ADARB2: variants seen among roughly 807,000 people sequenced by gnomAD.
ADARB2 encodes adenosine deaminase RNA specific B2 (inactive).
Under a neutral mutation model 62.2 loss-of-function variants are expected in ADARB2, and 25 were observed. The observed-to-expected ratio is 0.40, with a 90% CI of 0.29 to 0.56. The LOEUF (loss-of-function observed/expected upper bound fraction) is 0.56, where lower values mean the gene tolerates loss of function less well. Ranked by LOEUF, ADARB2 falls within the 20% of genes least tolerant of loss-of-function variation. The pLI is 0.43. For missense variants in ADARB2, 1,071 were observed against 1,077.4 expected, an observed-to-expected ratio of 0.99 and a Z score of 0.08; for synonymous variants, 572 against 500.8, an observed-to-expected ratio of 1.14 and a Z score of -1.90.
At chr10:1,456,825 C>CG (rs1326647710) in intron 1 of ADARB2, among the ~76,000 whole-genome samples, 2 of 152,268 alleles carry the variant, frequency 1.3e-5, no homozygotes, top group East Asian at 3.9e-4. Flanking sequence ...GACAGAGTCT[C>CG]GCACTGTTGC....
At chr10:1,606,345 G>T (rs1275367816) in intron 1 of ADARB2, among the ~76,000 whole-genome samples, 1 of 144,416 alleles carries the variant, frequency 6.9e-6, no homozygotes, top group Non-Finnish European at 1.5e-5. Context: ...GGCTGTGCCT[G>T]GCAAGCTCCC....
chr10:1,717,289 T>A (rs1324057302), intron 1 of ADARB2, among the ~76,000 whole-genome samples: 1 of 150,760 alleles, frequency 6.6e-6, no homozygotes, highest in Non-Finnish European at 1.5e-5. Flanking sequence ...GTGTATTTGG[T>A]TGCACAGGGA....
intron 1 of ADARB2, among the ~76,000 whole-genome samples, chr10:1,728,810 T>C (rs1588369070): frequency 6.6e-6 from 1 of 152,234 alleles, no homozygotes; most frequent in East Asian, 1.9e-4. Flanking sequence ...GATGTTGGAA[T>C]AATGCTTTGC....
chr10:1,288,634 CAGATG>C (rs748189308), intron 3 of ADARB2, among the ~76,000 whole-genome samples: 111 of 152,208 alleles, frequency 7.3e-4, no homozygotes, highest in Non-Finnish European at 1.4e-3. Flanking sequence ...CTCCCACCCT[CAGATG>C]AGATGAGCCT....
In ADARB2 at chr10:1,363,544, C is replaced by A; in HGVS notation, c.561G>T (p.Arg187Ser). The change falls in exon 3 of 10, where the codon AGG (arginine) becomes AGT (serine). Residue 187 changes from arginine to serine, a missense_variant. Transcript: ENST00000381312. Reference protein sequence around the residue: ...AKMRAAELALRSFVQFPNACQ... With the variant: ...AKMRAAELALSSFVQFPNACQ... ...AGGCGTTGGGGAACTGCACGAAGGA[C>A]CTGAGTGCCAGCTCCGCCGCGCGCA... 2 of 1,563,660 alleles carry A rather than the reference C, an allele frequency of 1.3e-6. No individual in the cohort carries two copies. The highest frequency in any genetic ancestry group is 1.7e-6 in the Non-Finnish European group (2 of 1,156,812).
intron 8 of ADARB2, among the ~76,000 whole-genome samples, chr10:1,191,116 G>T (rs1003235819): frequency 6.6e-6 from 1 of 152,102 alleles, no homozygotes; most frequent in Non-Finnish European, 1.5e-5. Flanking sequence ...CAGAATGGGG[G>T]TTTGCACACT....
chr10:1,315,620 C>T (rs1241789555), intron 3 of ADARB2, among the ~76,000 whole-genome samples: 1 of 152,258 alleles, frequency 6.6e-6, no homozygotes, highest in African/African-American at 2.4e-5. Flanking sequence ...TGGTTGCTCC[C>T]ACAATGGGCC....
At chr10:1,200,491 A>G (rs961863721) in intron 7 of ADARB2, 3 of 462,246 alleles carry the variant, frequency 6.5e-6, no homozygotes, top group Non-Finnish European at 7.6e-6. Flanking sequence ...ATTTTTCTTT[A>G]TATTAGCTGG....
chr10:1,204,428 G>A (rs984633571), intron 7 of ADARB2, among the ~76,000 whole-genome samples: 4 of 152,238 alleles, frequency 2.6e-5, no homozygotes, highest in South Asian at 4.1e-4. Flanking sequence ...ACCTGAGTGC[G>A]TCTTAACAGG....
At chr10:1,570,444 AC>A (rs1832919609) in intron 1 of ADARB2, among the ~76,000 whole-genome samples, 1 of 75,554 alleles carries the variant, frequency 1.3e-5, no homozygotes, top group Admixed American at 1.6e-4. Context: ...GGGAAGCAGG[AC>A]GGGCAGGCAC....
intron 1 of ADARB2, among the ~76,000 whole-genome samples, chr10:1,500,446 G>A (rs577127841): frequency 2.0e-5 from 3 of 152,160 alleles, no homozygotes; most frequent in Non-Finnish European, 2.9e-5. Context: ...TGCCAAAAAG[G>A]CCGCATGACA....
At chr10:1,705,085 G>T (rs1834872285) in intron 1 of ADARB2, among the ~76,000 whole-genome samples, 1 of 152,156 alleles carries the variant, frequency 6.6e-6, no homozygotes, top group Non-Finnish European at 1.5e-5. Flanking sequence ...AGAAACAAAT[G>T]TAGGTTGATT....
At chr10:1,342,502 T>C (rs1832039782) in intron 3 of ADARB2, among the ~76,000 whole-genome samples, 1 of 152,186 alleles carries the variant, frequency 6.6e-6, no homozygotes, top group African/African-American at 2.4e-5. Context: ...AGGAGGAGCT[T>C]TGGGAAGCCA....
At chr10:1,296,519 G>A (rs1377335853) in intron 3 of ADARB2, among the ~76,000 whole-genome samples, 1 of 152,320 alleles carries the variant, frequency 6.6e-6, no homozygotes, top group East Asian at 1.9e-4. Context: ...GAGAATTGAG[G>A]GACAGGCCTG....
chr10:1,459,076 T>C (rs72764909), intron 1 of ADARB2, among the ~76,000 whole-genome samples: 39,942 of 152,048 alleles, frequency 0.26, 5,540 homozygotes, highest in East Asian at 0.49. Flanking sequence ...AAAAGGAACA[T>C]TTAAACACTG....
intron 1 of ADARB2, among the ~76,000 whole-genome samples, chr10:1,595,303 G>T (rs1564341936): frequency 6.6e-6 from 1 of 152,204 alleles, no homozygotes; most frequent in Non-Finnish European, 1.5e-5. Flanking sequence ...TGGAATTCCT[G>T]TGTTGAGAAG....
chr10:1,621,637 GCAA>G (rs999714017), intron 1 of ADARB2, among the ~76,000 whole-genome samples: 31 of 151,924 alleles, frequency 2.0e-4, no homozygotes, highest in Non-Finnish European at 3.4e-4. Flanking sequence ...ACACTTAACA[GCAA>G]CAACAACAAC....
At chr10:1,667,903 A>T (rs189275663) in intron 1 of ADARB2, among the ~76,000 whole-genome samples, 16 of 152,230 alleles carry the variant, frequency 1.1e-4, no homozygotes, top group Admixed American at 3.3e-4. Flanking sequence ...CCTGAAACAC[A>T]AGAAAATGGA....
chr10:1,213,715 C>T (rs1257386917), intron 7 of ADARB2, among the ~76,000 whole-genome samples: 2 of 152,374 alleles, frequency 1.3e-5, no homozygotes, highest in East Asian at 1.9e-4. Context: ...TAGAATCACC[C>T]CCAAATCCCG....
Sources: gnomAD v4.1 joint callset for allele counts (sites outside exome capture counted in the v4.1 genomes callset) on GRCh38, gnomAD v4.1.1 for gene constraint, MANE v1.5 for transcripts, NCBI Gene and HGNC (gene_info 2026-07-23, HGNC 2026-07-21) for gene names.